Variants in GAS2 observed in about 807,000 individuals in gnomAD.
GAS2 encodes growth arrest specific 2.
In GAS2, 20 loss-of-function variants were observed where a neutral mutation model predicts 37.5. That is an observed-to-expected ratio of 0.53 (90% CI 0.37 to 0.77). The LOEUF (loss-of-function observed/expected upper bound fraction) is 0.77, where lower values mean the gene tolerates loss of function less well. Among genes scored for constraint, GAS2 ranks in the 30% least tolerant of loss-of-function variants. GAS2 has a pLI of 0.00. For synonymous variants in GAS2, 144 were observed against 132.2 expected (o/e 1.09, Z -0.61); for missense variants, 336 against 373.4 (o/e 0.90, Z 0.82).
intron 1 of GAS2, among the ~76,000 whole-genome samples, chr11:22,650,743 C>A (rs1371647267): frequency 6.6e-6 from 1 of 152,118 alleles, no homozygotes; most frequent in East Asian, 1.9e-4. Flanking sequence ...ATTGCAACCC[C>A]TGCCTTTTTC....
chr11:22,669,079 G>T (rs1279696342), intron 1 of GAS2, among the ~76,000 whole-genome samples: 1 of 152,154 alleles, frequency 6.6e-6, no homozygotes, highest in Non-Finnish European at 1.5e-5. Context: ...ACTCCTTTAT[G>T]TGAGACCATG....
rs1590556132 is a variant in GAS2, at chr11:22,637,863, C to T, written c.-21+12050C>T. Among the ~76,000 whole-genome samples the T allele has an allele frequency of 2.7e-5, 4 of 150,196 alleles. No homozygotes were observed. The East Asian group carries it at 7.8e-4, about 29-fold the overall frequency. ...CCAAAGCTGCCACAGATATCTCCTTCCCCAAACCAAGAAAATCTCAGAATC... is the reference window on the plus strand; with the variant it reads ...CCAAAGCTGCCACAGATATCTCCTTTCCCAAACCAAGAAAATCTCAGAATC... On this transcript the variant is annotated intron_variant, in intron 1 of 5. Transcript: ENST00000528582.
chr11:22,742,198 G>A (rs1366163959), intron 5 of GAS2, among the ~76,000 whole-genome samples: 2 of 152,072 alleles, frequency 1.3e-5, no homozygotes, highest in African/African-American at 4.8e-5. Context: ...AAGGTATGAG[G>A]ATATGATTTT....
intron 7 of GAS2, among the ~76,000 whole-genome samples, chr11:22,785,978 A>G (rs990311717): frequency 1.3e-5 from 2 of 152,140 alleles, no homozygotes; most frequent in African/African-American, 4.8e-5. Flanking sequence ...AATAAATTCA[A>G]GGCATACTTC....
upstream of GAS2, among the ~76,000 whole-genome samples, chr11:22,664,219 C>T (rs1248426431): frequency 6.6e-6 from 1 of 152,082 alleles, no homozygotes; most frequent in Non-Finnish European, 1.5e-5. Flanking sequence ...GTCCTCTAAC[C>T]TCAATCATTT....
At chr11:22,640,654 C>G (rs2133816988) in intron 1 of GAS2, among the ~76,000 whole-genome samples, 1 of 152,198 alleles carries the variant, frequency 6.6e-6, no homozygotes, top group Non-Finnish European at 1.5e-5. Flanking sequence ...CTTAATTTCT[C>G]TCTTAAAAAA....
At chr11:22,629,709 G>A (rs1042514462) in intron 1 of GAS2, among the ~76,000 whole-genome samples, 1 of 151,620 alleles carries the variant, frequency 6.6e-6, no homozygotes, top group African/African-American at 2.4e-5. Flanking sequence ...CTAGATATTT[G>A]TCCTTTATCT....
At chr11:22,806,894 G>C (rs1334935884) in intron 7 of GAS2, among the ~76,000 whole-genome samples, 2 of 152,044 alleles carry the variant, frequency 1.3e-5, no homozygotes, top group African/African-American at 4.8e-5. Context: ...CATGAGGAAA[G>C]GTAATGGATT....
At chr11:22,641,492 C>A (rs765603861) in intron 1 of GAS2, among the ~76,000 whole-genome samples, 2 of 150,192 alleles carry the variant, frequency 1.3e-5, no homozygotes, top group African/African-American at 4.9e-5. Context: ...TGCTATCCCT[C>A]CCCCCCACAC....
chr11:22,711,761 A>G (rs181175207), intron 3 of GAS2, among the ~76,000 whole-genome samples: 98 of 152,238 alleles, frequency 6.4e-4, no homozygotes, highest in African/African-American at 2.2e-3. Flanking sequence ...GACCTGTACA[A>G]TGCAGCAGAG....
chr11:22,688,861 T>A (rs1203484548), intron 3 of GAS2, among the ~76,000 whole-genome samples: 2 of 152,184 alleles, frequency 1.3e-5, no homozygotes, highest in Non-Finnish European at 2.9e-5. Flanking sequence ...GCAGCACTAT[T>A]CACTACTGCA....
chr11:22,767,857 A>G (rs1487076205), intron 7 of GAS2, among the ~76,000 whole-genome samples: 1 of 152,210 alleles, frequency 6.6e-6, no homozygotes, highest in East Asian at 1.9e-4. Context: ...TATCTTTTTC[A>G]TAAACTTAGT....
intron 7 of GAS2, among the ~76,000 whole-genome samples, chr11:22,808,641 G>A (rs1338532225): frequency 1.3e-5 from 2 of 152,196 alleles, no homozygotes; most frequent in Non-Finnish European, 2.9e-5. Flanking sequence ...GAAATGGCCT[G>A]CTCACAAACA....
chr11:22,715,460 C>CAAAAAAAAAAAAAAA (rs1192862614), intron 3 of GAS2, among the ~76,000 whole-genome samples: 5 of 41,758 alleles, frequency 1.2e-4, no homozygotes, highest in African/African-American at 5.0e-4. Context: ...GACTCTGTCT[C>CAAAAAAAAAAAAAAA]AAAAAAAAAA....
At chr11:22,763,396 G>A (rs1257969703) in intron 7 of GAS2, among the ~76,000 whole-genome samples, 2 of 152,020 alleles carry the variant, frequency 1.3e-5, no homozygotes, top group East Asian at 3.9e-4. Flanking sequence ...GTTCTTTTTT[G>A]CTCTTATGGC....
At chr11:22,770,720 G>A (rs917385031) in intron 7 of GAS2, among the ~76,000 whole-genome samples, 8 of 152,144 alleles carry the variant, frequency 5.3e-5, no homozygotes, top group African/African-American at 1.9e-4. Flanking sequence ...AAGTATATAT[G>A]TCTCAAATAT....
chr11:22,745,012 G>A (rs1326004378), intron 5 of GAS2, among the ~76,000 whole-genome samples: 2 of 150,700 alleles, frequency 1.3e-5, no homozygotes, highest in African/African-American at 4.9e-5. Context: ...TCATTAAAAC[G>A]GCCATACTGC....
chr11:22,669,800 A>G (rs1849130645), intron 1 of GAS2, among the ~76,000 whole-genome samples: 1 of 152,164 alleles, frequency 6.6e-6, no homozygotes, highest in African/African-American at 2.4e-5. Context: ...CAATTTGTGG[A>G]TAAGTTGCTC....
At chr11:22,671,175 A>C (rs956177990) in intron 1 of GAS2, among the ~76,000 whole-genome samples, 1 of 151,958 alleles carries the variant, frequency 6.6e-6, no homozygotes, top group African/African-American at 2.4e-5. Context: ...CATCATATTC[A>C]TAATTGTTAT....
Sources: allele counts gnomAD v4.1 joint callset (sites outside exome capture counted in the v4.1 genomes callset), GRCh38; gene constraint gnomAD v4.1.1; transcripts MANE v1.5; gene names NCBI Gene and HGNC (gene_info 2026-07-23, HGNC 2026-07-21).